The following ELMOD1 variants were observed in gnomAD, a reference collection of about 807,000 sequenced individuals.
The protein encoded by ELMOD1 is ELMO domain-containing protein 1.
Under a neutral mutation model 46.7 loss-of-function variants are expected in ELMOD1, and 21 were observed. The observed-to-expected ratio is 0.45, with a 90% CI of 0.32 to 0.65. The LOEUF (loss-of-function observed/expected upper bound fraction) is 0.65. ELMOD1 is among the 30% of genes least tolerant of loss of function. The probability of loss-of-function intolerance (pLI) is 0.04; values close to 1 mark genes in which losing one functional copy is unlikely to be tolerated. For missense variants in ELMOD1, 348 were observed against 407.8 expected, an observed-to-expected ratio of 0.85 and a Z score of 1.26; for synonymous variants, 122 against 138.2, an observed-to-expected ratio of 0.88 and a Z score of 0.82.
At chr11:107,654,301 A>G (rs577418476) in intron 10 of ELMOD1, 79 bp downstream of exon 10, 1 of 1,215,106 alleles carries the variant, frequency 8.2e-7, no homozygotes, top group South Asian at 1.3e-5. Context: ...ATGAAAGACA[A>G]GGGTGAAACT....
At chr11:107,624,487 T>C (rs1391643899) in intron 2 of ELMOD1, among the ~76,000 whole-genome samples, 2 of 152,048 alleles carry the variant, frequency 1.3e-5, no homozygotes, top group African/African-American at 2.4e-5. Context: ...CCCATCTTTA[T>C]AGAAAATACA....
At chr11:107,643,901 A>C (rs935334850) in intron 6 of ELMOD1, 3 of 183,492 alleles carry the variant, frequency 1.6e-5, no homozygotes, top group African/African-American at 7.1e-5. Context: ...TAACAACTTA[A>C]TTAAGAACAC....
chr11:107,650,688 G>A (rs1400313620), intron 8 of ELMOD1, among the ~76,000 whole-genome samples, 197 bp from the exon 9 acceptor site: 1 of 152,180 alleles, frequency 6.6e-6, no homozygotes, highest in East Asian at 1.9e-4. Context: ...GAAGGGCAGG[G>A]TCTGGGGGAA....
chr11:107,601,424 T>C (rs1865596615), intron 1 of ELMOD1, among the ~76,000 whole-genome samples: 1 of 146,536 alleles, frequency 6.8e-6, no homozygotes, highest in East Asian at 1.9e-4. Flanking sequence ...TTCTTTTTTT[T>C]TTTTTTTTTG....
intron 6 of ELMOD1, among the ~76,000 whole-genome samples, chr11:107,640,931 A>G (rs2135699526): frequency 6.6e-6 from 1 of 152,366 alleles, no homozygotes; most frequent in South Asian, 2.1e-4. Context: ...TGTGCATATA[A>G]TTCAAACATA....
intron 6 of ELMOD1, among the ~76,000 whole-genome samples, chr11:107,639,707 G>T (rs1866287237): frequency 6.6e-6 from 1 of 152,178 alleles, no homozygotes; most frequent in African/African-American, 2.4e-5. Flanking sequence ...ATGGATAACA[G>T]TCTGACTCAG....
chr11:107,608,606 G>C (rs903683426), intron 1 of ELMOD1, among the ~76,000 whole-genome samples: 1 of 152,106 alleles, frequency 6.6e-6, no homozygotes, highest in African/African-American at 2.4e-5. Context: ...ACTGCCAACA[G>C]TTTTTATTGC....
At chr11:107,659,110 G>T (rs1866684604) in intron 11 of ELMOD1, among the ~76,000 whole-genome samples, 1 of 152,128 alleles carries the variant, frequency 6.6e-6, no homozygotes, top group African/African-American at 2.4e-5. Flanking sequence ...AAGAGTATGT[G>T]GATTTAAGAA....
intron 1 of ELMOD1, among the ~76,000 whole-genome samples, chr11:107,610,272 A>T (rs1865752978): frequency 6.6e-6 from 1 of 152,180 alleles, no homozygotes; most frequent in Non-Finnish European, 1.5e-5. Flanking sequence ...GTTCATCTTG[A>T]TTTTTGTGAA....
rs1252201068 is a variant in ELMOD1 at position 107,666,514 on chromosome 11, G to A, written c.*1317G>A. 6.6e-6 allele frequency: 1 copy of A among 152,638 alleles called. No homozygotes were observed. Among genetic ancestry groups the A allele is most frequent in the African/African-American group, 2.4e-5 (1 of 41,452 alleles). The allele number at this position is 152,638 out of a possible 1,614,324, so 9.5% of individuals were successfully genotyped here. A position where few individuals can be genotyped will look rare whatever the true frequency, so the allele number is the denominator to read the frequency against. On this transcript the variant is annotated 3_prime_UTR_variant, in exon 12 of 12. Transcript: ENST00000265840. ...ACCTTGTCTTGTATCAGTGGAAGAA[G>A]TAAGTTGCTTAGAAAGGGAAAAGTC... is the stretch of plus-strand genomic sequence containing the variant.
chr11:107,663,035 A>G (rs1383738319), intron 11 of ELMOD1, among the ~76,000 whole-genome samples: 1 of 152,070 alleles, frequency 6.6e-6, no homozygotes, highest in Non-Finnish European at 1.5e-5. Context: ...GGCAAGAAAC[A>G]AGCTTTTAAG....
chr11:107,654,202 A>G lies in ELMOD1; in HGVS notation c.678A>G (p.Lys226=). The change falls in exon 10 of 12, where the codon AAA becomes AAG. Residue 226 remains lysine, a synonymous_variant. Transcript: ENST00000265840. ...SKFSKAEWEK[K]RMDKAIGYSF... is the part of the protein sequence containing the mutation. ...TCAGCAAAGCAGAATGGGAGAAGAA[A>G]AGGATGGATAAGGCAATTGGGTGAG... The G allele has an allele frequency of 6.3e-7, 1 of 1,591,338 alleles. No individual in the cohort carries two copies. The highest frequency in any genetic ancestry group is 8.6e-7 in the Non-Finnish European group (1 of 1,168,068).
intron 5 of ELMOD1, among the ~76,000 whole-genome samples, chr11:107,634,355 G>A (rs895441799): frequency 6.6e-6 from 1 of 152,182 alleles, no homozygotes; most frequent in African/African-American, 2.4e-5. Context: ...TGTTACAGTT[G>A]CCAGATTGTT....
intron 2 of ELMOD1, among the ~76,000 whole-genome samples, chr11:107,629,911 A>T (rs1276222031): frequency 6.6e-6 from 1 of 152,074 alleles, no homozygotes; most frequent in Non-Finnish European, 1.5e-5. Flanking sequence ...AAGCAGAGGG[A>T]AAGAGGAAAG....
At chr11:107,642,975 A>G (rs1866352269) in intron 6 of ELMOD1, 2 of 289,658 alleles carry the variant, frequency 6.9e-6, no homozygotes, top group African/African-American at 2.3e-5. Flanking sequence ...ATTTTCTTTT[A>G]TCACAAACTT....
chr11:107,607,702 G>A (rs1865709421), intron 1 of ELMOD1, among the ~76,000 whole-genome samples: 1 of 151,954 alleles, frequency 6.6e-6, no homozygotes, highest in Admixed American at 6.6e-5. Context: ...AGGACAAATG[G>A]TATTGAACCA....
chr11:107,603,621 G>A (rs983193516), intron 1 of ELMOD1, among the ~76,000 whole-genome samples: 2 of 152,094 alleles, frequency 1.3e-5, no homozygotes, highest in Non-Finnish European at 2.9e-5. Flanking sequence ...CACTTTTAGA[G>A]GAACTGGGCA....
At chr11:107,599,349 GCTCAA>G (rs142018822) in intron 1 of ELMOD1, among the ~76,000 whole-genome samples, 52,349 of 151,464 alleles carry the variant, frequency 0.35, 9,915 homozygotes, top group East Asian at 0.52. Flanking sequence ...ACTTTTTTCT[GCTCAA>G]CTCGTCTACC....
At chr11:107,632,900 G>A (rs1227042717) in intron 5 of ELMOD1, among the ~76,000 whole-genome samples, 2 of 152,102 alleles carry the variant, frequency 1.3e-5, no homozygotes, top group East Asian at 3.9e-4. Context: ...TTTAGGTTCA[G>A]GTTGAGGATC....
Sources: allele counts gnomAD v4.1 joint callset (sites outside exome capture counted in the v4.1 genomes callset), GRCh38; gene constraint gnomAD v4.1.1; transcripts MANE v1.5; gene names NCBI Gene and HGNC (gene_info 2026-07-23, HGNC 2026-07-21).